AKAP10: variants seen among roughly 807,000 people sequenced by gnomAD.
AKAP10 encodes the protein A-kinase anchor protein 10, mitochondrial.
AKAP10 carries 24 observed loss-of-function variants against 80.8 expected under a neutral mutation model. The ratio of observed to expected loss-of-function variants is 0.30; its 90% CI spans 0.22 to 0.42. AKAP10 has a LOEUF of 0.42. AKAP10 is among the 10% of genes least tolerant of loss of function. The pLI is 1.00. For synonymous variants in AKAP10, 291 were observed against 277.7 expected (o/e 1.05, Z -0.48); for missense variants, 661 against 794.9 (o/e 0.83, Z 2.03).
chr17:19,936,206 C>T (rs955778237), intron 9 of AKAP10, 80 bp downstream of exon 9: 57 of 1,476,898 alleles, frequency 3.9e-5, no homozygotes, highest in Non-Finnish European at 4.7e-5. Flanking sequence ...TGCTATTCTG[C>T]TTGGTTTTCC....
chr17:19,912,045 G>A (rs1313043569), intron 12 of AKAP10, among the ~76,000 whole-genome samples: 2 of 152,010 alleles, frequency 1.3e-5, no homozygotes, highest in Non-Finnish European at 2.9e-5. Context: ...TTGTTACACT[G>A]TCTCTTAGAT....
At chr17:19,962,804 T>C in intron 3 of AKAP10, 36 bp downstream of exon 3, 1 of 1,592,554 alleles carries the variant, frequency 6.3e-7, no homozygotes, top group South Asian at 1.1e-5. Context: ...CTCAAATCCT[T>C]CTAATACAAG....
At chr17:19,946,244 TA>T (rs1448030712) in intron 5 of AKAP10, among the ~76,000 whole-genome samples, 1 of 14,264 alleles carries the variant, frequency 7.0e-5, no homozygotes, top group Non-Finnish European at 1.1e-4. Context: ...ATATTATATA[TA>T]TATATATATA....
Position 19,906,136 on chromosome 17 carries a change from C to T in AKAP10, c.*91G>A. ...ACAGTGACAGATCAGAAATATAGTG[C>T]TGTTTTCATTGGCTGTGTTGAAGAA... On this transcript the variant is annotated 3_prime_UTR_variant, in exon 15 of 15. Transcript: ENST00000225737. 1 of 1,350,566 alleles carries T rather than the reference C, an allele frequency of 7.4e-7. No individual in the cohort carries two copies. The highest frequency in any genetic ancestry group is 1.1e-6 in the Non-Finnish European group (1 of 950,900). 83.7% of individuals were successfully genotyped at this position (1,350,566 alleles called of 1,614,324 possible).
chr17:19,946,105 GTA>G (rs56812794), intron 5 of AKAP10, among the ~76,000 whole-genome samples: 223 of 128,792 alleles, frequency 1.7e-3, no homozygotes, highest in Non-Finnish European at 2.2e-3. Flanking sequence ...TTTTATTCTA[GTA>G]TATATATATA....
intron 12 of AKAP10, among the ~76,000 whole-genome samples, chr17:19,916,546 G>A (rs1008353784): frequency 2.6e-5 from 4 of 151,592 alleles, no homozygotes; most frequent in Admixed American, 6.6e-5. Context: ...TGCAAACACC[G>A]AACACCTATG....
At chr17:19,941,953 AACTATGT>A (rs754975727) in intron 5 of AKAP10, 43 bp from the exon 6 acceptor site, 6 of 1,572,764 alleles carry the variant, frequency 3.8e-6, no homozygotes, top group Non-Finnish European at 5.2e-6. Context: ...ACTAAATTCA[AACTATGT>A]ATACACACTT....
intron 4 of AKAP10, among the ~76,000 whole-genome samples, chr17:19,957,634 CTT>C (rs968313201): frequency 1.3e-5 from 2 of 151,966 alleles, no homozygotes; most frequent in African/African-American, 4.8e-5. Flanking sequence ...ATAAATGTCA[CTT>C]ATTGGCAATT....
chr17:19,924,556 A>G (rs752828043), intron 10 of AKAP10, 39 bp from the exon 11 acceptor site: 1 of 1,404,172 alleles, frequency 7.1e-7, no homozygotes, highest in South Asian at 1.3e-5. Flanking sequence ...ATATGAAACA[A>G]TCAGTCCTGG....
intron 10 of AKAP10, among the ~76,000 whole-genome samples, chr17:19,930,621 CA>C (rs934196199): frequency 4.2e-5 from 6 of 143,144 alleles, no homozygotes; most frequent in East Asian, 2.0e-4. Context: ...TGTCTCTTTA[CA>C]AAAAAAAAAG....
At chr17:19,951,232 G>C (rs1468468105) in intron 4 of AKAP10, among the ~76,000 whole-genome samples, 1 of 120,440 alleles carries the variant, frequency 8.3e-6, no homozygotes, top group Admixed American at 8.4e-5. Flanking sequence ...GAGGGAGGTG[G>C]GGGGTCAGCC....
At chr17:19,941,229 T>C (rs1046532867) in intron 6 of AKAP10, among the ~76,000 whole-genome samples, 1 of 152,222 alleles carries the variant, frequency 6.6e-6, no homozygotes, top group African/African-American at 2.4e-5. Context: ...CACATGCCAC[T>C]TCATATTACA....
At chr17:19,919,886 C>A in intron 12 of AKAP10, 150 bp downstream of exon 12, 1 of 588,230 alleles carries the variant, frequency 1.7e-6, no homozygotes, top group Non-Finnish European at 2.8e-6. Context: ...TACAGGAAGC[C>A]CTTGTACTTA....
chr17:19,932,524 A>G (rs2042947534), intron 9 of AKAP10, among the ~76,000 whole-genome samples: 1 of 151,920 alleles, frequency 6.6e-6, no homozygotes, highest in African/African-American at 2.4e-5. Context: ...TTTGTCACGA[A>G]AGTATTACAT....
intron 10 of AKAP10, among the ~76,000 whole-genome samples, chr17:19,930,654 G>A (rs887101192): frequency 6.6e-6 from 1 of 151,998 alleles, no homozygotes; most frequent in African/African-American, 2.4e-5. Context: ...GAAGCAGGCG[G>A]CATTTGAGGT....
chr17:19,928,695 G>A (rs1184067503), intron 10 of AKAP10, among the ~76,000 whole-genome samples: 1 of 152,098 alleles, frequency 6.6e-6, no homozygotes, highest in African/African-American at 2.4e-5. Flanking sequence ...TGGCCAACAT[G>A]GTGAAACCCC....
At chr17:19,959,357 C>T (rs540933846) in intron 3 of AKAP10, among the ~76,000 whole-genome samples, 24 of 152,170 alleles carry the variant, frequency 1.6e-4, no homozygotes, top group African/African-American at 2.2e-4. Context: ...CACTCTCATT[C>T]GCTGGTCATG....
chr17:19,908,190 A>G (rs563861466), intron 14 of AKAP10, among the ~76,000 whole-genome samples: 2 of 152,186 alleles, frequency 1.3e-5, no homozygotes, highest in South Asian at 4.1e-4. Context: ...CTAACTTTAC[A>G]CTGTGAAGTG....
chr17:19,975,634 C>T (rs531976902), intron 1 of AKAP10, among the ~76,000 whole-genome samples: 3 of 152,234 alleles, frequency 2.0e-5, no homozygotes, highest in South Asian at 4.2e-4. Context: ...TTACATGGAG[C>T]GAAAGGGAGA....
Sources: gnomAD v4.1 joint callset for allele counts (sites outside exome capture counted in the v4.1 genomes callset) on GRCh38, gnomAD v4.1.1 for gene constraint, MANE v1.5 for transcripts, NCBI Gene and HGNC (gene_info 2026-07-23, HGNC 2026-07-21) for gene names.